SMOC2: variants seen among roughly 807,000 people sequenced by gnomAD.
SMOC2 encodes the protein SPARC-related modular calcium-binding protein 2.
In SMOC2, 39 loss-of-function variants were observed where a neutral mutation model predicts 61.4. The observed-to-expected ratio is 0.64, with a 90% confidence interval of 0.49 to 0.83. The LOEUF (loss-of-function observed/expected upper bound fraction) is 0.83, where lower values mean the gene tolerates loss of function less well. Ranked by LOEUF, SMOC2 falls within the 40% of genes least tolerant of loss-of-function variation. SMOC2 has a pLI of 0.00. For synonymous variants in SMOC2, 247 were observed against 239.9 expected (o/e 1.03, Z -0.27); for missense variants, 556 against 592.9 (o/e 0.94, Z 0.65).
At chr6:168,648,630 G>T (rs1223268256) in intron 9 of SMOC2, among the ~76,000 whole-genome samples, 2 of 152,218 alleles carry the variant, frequency 1.3e-5, no homozygotes, top group African/African-American at 4.8e-5. Flanking sequence ...AGTAGCATTT[G>T]CCCCGTGGCC....
At chr6:168,648,798 G>A (rs1787113317) in intron 9 of SMOC2, among the ~76,000 whole-genome samples, 1 of 152,194 alleles carries the variant, frequency 6.6e-6, no homozygotes, top group African/African-American at 2.4e-5. Flanking sequence ...TGACTGTGGA[G>A]TCTTGCTATC....
intron 7 of SMOC2, among the ~76,000 whole-genome samples, chr6:168,558,738 C>G (rs1050066097): frequency 1.3e-5 from 2 of 152,186 alleles, no homozygotes; most frequent in Non-Finnish European, 2.9e-5. Flanking sequence ...TCTTGAGGCT[C>G]TTCCCTGAAT....
intron 2 of SMOC2, among the ~76,000 whole-genome samples, chr6:168,517,664 T>TCCTGAGAG (rs1339824843): frequency 6.6e-6 from 1 of 152,182 alleles, no homozygotes; most frequent in African/African-American, 2.4e-5. Context: ...GTTGCAGTTT[T>TCCTGAGAG]CCTGAGAGCA....
chr6:168,625,980 C>T (rs1297296769), intron 9 of SMOC2, among the ~76,000 whole-genome samples: 1 of 152,184 alleles, frequency 6.6e-6, no homozygotes, highest in Admixed American at 6.5e-5. Flanking sequence ...TGACCTGGCT[C>T]CCCTATTCTG....
chr6:168,528,717 T>TGGG (rs1783514424), intron 4 of SMOC2, among the ~76,000 whole-genome samples: 1 of 152,212 alleles, frequency 6.6e-6, no homozygotes, highest in South Asian at 2.1e-4. Context: ...CGACTGGCCA[T>TGGG]GGGGATGCAT....
At chr6:168,637,801 G>A (rs952817266) in intron 9 of SMOC2, among the ~76,000 whole-genome samples, 3 of 152,196 alleles carry the variant, frequency 2.0e-5, no homozygotes. Context: ...CTGTCTGTTT[G>A]TGCTGCTTGC....
chr6:168,662,294 T>C (rs964240085), intron 11 of SMOC2, among the ~76,000 whole-genome samples: 3 of 151,764 alleles, frequency 2.0e-5, no homozygotes, highest in African/African-American at 7.3e-5. Context: ...ACGATAGGGG[T>C]TGCTTGTGGA....
chr6:168,599,329 A>C (rs1785440312), intron 8 of SMOC2, among the ~76,000 whole-genome samples: 1 of 143,862 alleles, frequency 7.0e-6, no homozygotes, highest in African/African-American at 2.6e-5. Context: ...TGTTTCACAC[A>C]CACTCATACC....
intron 1 of SMOC2, among the ~76,000 whole-genome samples, chr6:168,497,499 T>C (rs1352571246): frequency 7.0e-6 from 1 of 142,468 alleles, no homozygotes; most frequent in African/African-American, 2.4e-5. Context: ...TCTTCTTGAG[T>C]GCCCTCTCTC....
chr6:168,574,274 A>G (rs940650007), intron 7 of SMOC2, among the ~76,000 whole-genome samples: 2 of 152,144 alleles, frequency 1.3e-5, no homozygotes, highest in African/African-American at 4.8e-5. Context: ...GGGTAGGTCG[A>G]AGGCTGCTCC....
chr6:168,552,518 T>C (rs1488278415), intron 7 of SMOC2, among the ~76,000 whole-genome samples: 1 of 152,204 alleles, frequency 6.6e-6, no homozygotes, highest in Non-Finnish European at 1.5e-5. Context: ...TTTTTCCCCA[T>C]GAATTTGTAT....
chr6:168,560,537 C>T (rs1251225958), intron 7 of SMOC2, among the ~76,000 whole-genome samples: 1 of 143,536 alleles, frequency 7.0e-6, no homozygotes, highest in Non-Finnish European at 1.5e-5. Context: ...GAGGAGGTGT[C>T]ATTTTCCTGC....
rs777871859 is a variant in SMOC2, at chr6:168,608,251, C to T, written c.907+12C>T. The T allele has an allele frequency of 2.3e-5, 37 of 1,609,716 alleles. No homozygotes were observed. Among genetic ancestry groups the T allele is most frequent in the Non-Finnish European group, 3.0e-5 (35 of 1,178,114 alleles). Reference sequence around the variant, plus strand: ...CCGCCAGCTACAAGGTGAGCAGCACCCGCGAGTGTGGCCCGAATCCACAGG... The same window carrying T: ...CCGCCAGCTACAAGGTGAGCAGCACTCGCGAGTGTGGCCCGAATCCACAGG... On this transcript the variant is annotated intron_variant, in intron 9 of 12. Coordinates refer to ENST00000356284, the MANE Select transcript of SMOC2 (RefSeq NM_001166412.2).
intron 7 of SMOC2, among the ~76,000 whole-genome samples, chr6:168,551,896 G>A (rs1784137876): frequency 1.3e-5 from 2 of 152,310 alleles, no homozygotes; most frequent in South Asian, 2.1e-4. Context: ...GACTTCAAAT[G>A]ACCTGCCATT....
chr6:168,501,554 T>C (rs1268563337), intron 1 of SMOC2, among the ~76,000 whole-genome samples: 1 of 151,944 alleles, frequency 6.6e-6, no homozygotes, highest in African/African-American at 2.4e-5. Context: ...TTCTGCAGAA[T>C]GTGAGGTGGG....
intron 9 of SMOC2, among the ~76,000 whole-genome samples, chr6:168,641,081 A>C (rs1195952878): frequency 1.3e-5 from 2 of 152,168 alleles, no homozygotes; most frequent in Admixed American, 1.3e-4. Flanking sequence ...ATTCAGGCAG[A>C]AATAGTTGTT....
In SMOC2 at chr6:168,667,757, T is replaced by A. The variant is rs1787698854; in HGVS notation, c.*1319T>A. On this transcript the variant is annotated 3_prime_UTR_variant, in exon 13 of 13. Coordinates refer to ENST00000356284, the MANE Select transcript of SMOC2 (RefSeq NM_001166412.2). ...GCCCCAAATCCCCTGAGACATGCCT[T>A]GTAGAATGATTTTGTGATGTTGTGA... 1.3e-5 allele frequency: 2 copies of A among 152,144 alleles called. No individual in the cohort carries two copies. The highest frequency in any genetic ancestry group is 4.1e-4 in the South Asian group (2 of 4,826). 9.4% of individuals were successfully genotyped at this position (152,144 alleles called of 1,614,324 possible).
At chr6:168,480,718 G>T (rs7741843) in intron 1 of SMOC2, among the ~76,000 whole-genome samples, 7,390 of 152,084 alleles carry the variant, frequency 0.049, 609 homozygotes, top group African/African-American at 0.17. Context: ...GAAGAAACAT[G>T]AATATAAAGA....
Position 168,544,240 on chromosome 6 carries a change from G to A in SMOC2, c.511+568G>A, listed in dbSNP as rs1377854191. On this transcript the variant is annotated intron_variant, in intron 5 of 12. Coordinates refer to ENST00000356284, the MANE Select transcript of SMOC2 (RefSeq NM_001166412.2). The surrounding 1 kb of genome is among the most constrained non-coding windows in gnomAD (Gnocchi z 4.1). ...TGGGAAAGTCTCCATCCTCTTCTCT[G>A]CCCTTGCCTCGGCCAACACCCTTCA... 1.3e-5 allele frequency among the ~76,000 whole-genome samples: 2 copies of A among 152,088 alleles called. No homozygotes were observed. Among genetic ancestry groups the A allele is most frequent in the Non-Finnish European group, 2.9e-5 (2 of 68,020 alleles).
Sources: allele counts gnomAD v4.1 joint callset (sites outside exome capture counted in the v4.1 genomes callset), GRCh38; gene constraint gnomAD v4.1.1; non-coding constraint Gnocchi (gnomAD v3.1); transcripts MANE v1.5; gene names NCBI Gene and HGNC (gene_info 2026-07-23, HGNC 2026-07-21).